The following LRBA variants were observed in gnomAD, a reference collection of about 807,000 sequenced individuals.
The protein encoded by LRBA is lipopolysaccharide-responsive and beige-like anchor protein.
In LRBA, 176 loss-of-function variants were observed where a neutral mutation model predicts 330.0. That is an observed-to-expected ratio of 0.53 (90% CI 0.47 to 0.60). LRBA has a LOEUF of 0.60. Ranked by LOEUF, LRBA falls within the 20% of genes least tolerant of loss-of-function variation. The pLI is 0.00. For missense variants in LRBA, 3,259 were observed against 3,444.8 expected, an observed-to-expected ratio of 0.95 and a Z score of 1.35; for synonymous variants, 1,230 against 1,193.0, an observed-to-expected ratio of 1.03 and a Z score of -0.64.
intron 35 of LRBA, among the ~76,000 whole-genome samples, chr4:150,745,948 T>C (rs1455451906): frequency 6.6e-6 from 1 of 152,182 alleles, no homozygotes; most frequent in Admixed American, 6.5e-5. Flanking sequence ...TTCACTCATT[T>C]TTCTGGTTAC....
chr4:150,498,753 TA>T (rs1759886044), intron 40 of LRBA, among the ~76,000 whole-genome samples: 1 of 152,120 alleles, frequency 6.6e-6, no homozygotes, highest in African/African-American at 2.4e-5. Context: ...GAACGAGGCA[TA>T]AAAGGGTCTC....
Position 150,872,662 on chromosome 4 carries a change from C to T in LRBA, c.2258+1G>A. On this transcript the variant is annotated splice_donor_variant, in intron 18 of 56. Transcript: ENST00000651943. LOFTEE classifies it high-confidence loss of function. ...TCCATCTTAGATTTCGGCATACTTA[C>T]TTTGGGGCCAGATGTTTTAAAAAAT... is the stretch of plus-strand genomic sequence containing the variant. 2 of 1,598,942 alleles carry T rather than the reference C, an allele frequency of 1.3e-6. No individual in the cohort carries two copies. Among genetic ancestry groups the T allele is most frequent in the Middle Eastern group, 1.7e-4 (1 of 6,022 alleles).
intron 40 of LRBA, among the ~76,000 whole-genome samples, chr4:150,549,966 G>C (rs1384935856): frequency 6.6e-6 from 1 of 152,140 alleles, no homozygotes. Flanking sequence ...AGTCTCTTAG[G>C]CCACACCTCT....
At chr4:150,289,865 A>C (rs1242030920) in intron 53 of LRBA, among the ~76,000 whole-genome samples, 1 of 152,250 alleles carries the variant, frequency 6.6e-6, no homozygotes, top group African/African-American at 2.4e-5. Flanking sequence ...CTAACAGGTC[A>C]AAACTGTTTA....
At position 150,887,768 on chromosome 4, in the gene LRBA, CAAAAAAAAAAAAAAA is replaced by C. The variant is rs33950813; in HGVS notation, c.2165+5269_2165+5283del. Among the ~76,000 whole-genome samples the C allele has an allele frequency of 8.3e-3, 682 of 82,244 alleles. 3 individuals are homozygous for C. Among genetic ancestry groups the C allele is most frequent in the Non-Finnish European group, 0.014 (539 of 37,750 alleles). The allele number at this position is 82,244 out of a possible 152,430, so 54.0% of individuals were successfully genotyped here. ...TGGGCAACAGAGCACGACTCCGTCT[CAAAAAAAAAAAAAAA>C]AAAGAAAGAAAAAAAAAAGAACCTA... On this transcript the variant is annotated intron_variant, in intron 17 of 56. Transcript: ENST00000651943.
intron 34 of LRBA, among the ~76,000 whole-genome samples, chr4:150,763,088 A>ATTAGTATAACTATGCT (rs771302561): frequency 2.6e-4 from 40 of 152,188 alleles, no homozygotes; most frequent in Non-Finnish European, 5.0e-4. Flanking sequence ...TATGAATAGT[A>ATTAGTATAACTATGCT]TTAGTATAAC....
chr4:150,423,077 C>T (rs1749044547), intron 46 of LRBA: 1 of 803,430 alleles, frequency 1.2e-6, no homozygotes, highest in African/African-American at 1.7e-5. Context: ...GTGGGTGTGA[C>T]CTCTGGGGAA....
intron 33 of LRBA, among the ~76,000 whole-genome samples, 199 bp downstream of exon 33, chr4:150,806,072 C>T (rs1319105769): frequency 2.0e-5 from 3 of 151,500 alleles, no homozygotes; most frequent in Non-Finnish European, 4.4e-5. Context: ...TTCTACGCTC[C>T]ATCCAAATCA....
At chr4:150,466,417 C>G (rs1755459488) in intron 44 of LRBA, among the ~76,000 whole-genome samples, 3 of 152,052 alleles carry the variant, frequency 2.0e-5, no homozygotes, top group African/African-American at 7.2e-5. Flanking sequence ...TCACTGAGAG[C>G]CTTGCATTTC....
rs189079820 is a variant in LRBA at position 150,396,307 on chromosome 4, T to C, written c.7194+19131A>G. Among the ~76,000 whole-genome samples, 294 of 152,266 alleles carry C rather than the reference T, an allele frequency of 1.9e-3. 1 individual carries two copies. Among genetic ancestry groups the C allele is most frequent in the African/African-American group, 6.7e-3 (280 of 41,544 alleles). On this transcript the variant is annotated intron_variant, in intron 47 of 56. Transcript: ENST00000651943. ...CACCAGTGCCCTACTCCTGGGAATT[T>C]AGGCCTTTGGCATCAGACTGGGAGT...
At chr4:151,003,921 G>A (rs1380936775) in intron 2 of LRBA, among the ~76,000 whole-genome samples, 1 of 151,192 alleles carries the variant, frequency 6.6e-6, no homozygotes, top group Non-Finnish European at 1.5e-5. Flanking sequence ...GTGTGTGTGT[G>A]TGTGTGTGTG....
intron 44 of LRBA, among the ~76,000 whole-genome samples, chr4:150,460,274 C>G (rs955616591): frequency 6.6e-6 from 1 of 151,550 alleles, no homozygotes; most frequent in Non-Finnish European, 1.5e-5. Context: ...AAATATCTCA[C>G]ACATAAAAAT....
chr4:150,266,586 A>AAATT (rs1048112101), intron 56 of LRBA, among the ~76,000 whole-genome samples: 1 of 152,224 alleles, frequency 6.6e-6, no homozygotes, highest in African/African-American at 2.4e-5. Flanking sequence ...CCTCGTATCA[A>AAATT]AATTAATTAG....
intron 32 of LRBA, among the ~76,000 whole-genome samples, chr4:150,808,079 C>G (rs973077000): frequency 2.0e-5 from 3 of 152,082 alleles, no homozygotes; most frequent in African/African-American, 7.2e-5. Context: ...CACAAATAGT[C>G]ACTTCTCATG....
chr4:150,429,961 A>C (rs1750153835), intron 46 of LRBA, among the ~76,000 whole-genome samples: 1 of 152,062 alleles, frequency 6.6e-6, no homozygotes, highest in South Asian at 2.1e-4. Flanking sequence ...GCCTAACTAA[A>C]CGTGTTTTGG....
chr4:150,318,102 C>T lies in LRBA; in HGVS notation c.7631-2479G>A, dbSNP rs569495356. ...TGCATCAAATATGCCCAGTCAGTGG[C>T]AGAGTTTGAGCCCAGGTTTTCTCAC... On this transcript the variant is annotated intron_variant, in intron 50 of 56. Coordinates refer to ENST00000651943, the MANE Select transcript of LRBA (RefSeq NM_001364905.1). 4.6e-5 allele frequency among the ~76,000 whole-genome samples: 7 copies of T among 152,286 alleles called. No homozygotes were observed. The South Asian group carries it at 1.5e-3, about 32-fold the overall frequency.
At chr4:150,926,188 T>C (rs951523544) in intron 4 of LRBA, among the ~76,000 whole-genome samples, 4 of 152,204 alleles carry the variant, frequency 2.6e-5, no homozygotes, top group Non-Finnish European at 5.9e-5. Flanking sequence ...ATCATGCTTA[T>C]GATAAAACTC....
In LRBA at chr4:150,467,792, G is replaced by A. The variant is rs1318348494; in HGVS notation, c.6668-7C>T. 3 of 1,288,114 alleles carry A rather than the reference G, an allele frequency of 2.3e-6. No homozygotes were observed. The highest frequency in any genetic ancestry group is 1.9e-4 in the Middle Eastern group (1 of 5,306). 79.8% of individuals were successfully genotyped at this position (1,288,114 alleles called of 1,614,324 possible). ...AAGTCATTATAACTCCGTCCTGATAGGGAAAAAAGTTACTCGTAATTTATA... is the reference window on the plus strand; with the variant it reads ...AAGTCATTATAACTCCGTCCTGATAAGGAAAAAAGTTACTCGTAATTTATA... On this transcript the variant is annotated splice_region_variant and splice_polypyrimidine_tract_variant and intron_variant, in intron 43 of 56. Coordinates refer to ENST00000651943, the MANE Select transcript of LRBA (RefSeq NM_001364905.1).
At chr4:150,444,415 C>A (rs1444453221) in intron 44 of LRBA, among the ~76,000 whole-genome samples, 2 of 152,102 alleles carry the variant, frequency 1.3e-5, no homozygotes, top group Non-Finnish European at 2.9e-5. Flanking sequence ...AGCAACATTG[C>A]CACTGTTAGG....
Sources: allele counts gnomAD v4.1 joint callset (sites outside exome capture counted in the v4.1 genomes callset), GRCh38; gene constraint gnomAD v4.1.1; transcripts MANE v1.5; gene names NCBI Gene and HGNC (gene_info 2026-07-23, HGNC 2026-07-21).